The following YWHAH variants were observed in gnomAD, a reference collection of about 807,000 sequenced individuals.
YWHAH encodes 14-3-3 protein eta.
Under a neutral mutation model 22.9 loss-of-function variants are expected in YWHAH, and 6 were observed. The ratio of observed to expected loss-of-function variants is 0.26; its 90% CI spans 0.14 to 0.52. The LOEUF is 0.52. Among genes scored for constraint, YWHAH ranks in the 20% least tolerant of loss-of-function variants. YWHAH has a pLI of 0.97. For synonymous variants in YWHAH, 135 were observed against 124.5 expected, an observed-to-expected ratio of 1.08 and a Z score of -0.56; for missense variants, 173 against 308.6, an observed-to-expected ratio of 0.56 and a Z score of 3.29.
chr22:31,954,429 C>T (rs937204826), intron 1 of YWHAH, among the ~76,000 whole-genome samples: 7 of 152,136 alleles, frequency 4.6e-5, no homozygotes, highest in Non-Finnish European at 1.0e-4. Flanking sequence ...AAGTCATTTT[C>T]TTTGCTTGGG....
At position 31,950,372 on chromosome 22, in the gene YWHAH, G is replaced by T. The variant is rs1214840880; in HGVS notation, c.87+5552G>T. The T allele has an allele frequency of 5.1e-6, 4 of 779,008 alleles. No homozygotes were observed. In the African/African-American group the frequency reaches 6.8e-5, roughly 13 times the overall value. The allele number at this position is 779,008 out of a possible 1,614,324, so 48.3% of individuals were successfully genotyped here. On this transcript the variant is annotated intron_variant, in intron 1 of 1. Coordinates refer to ENST00000248975, the MANE Select transcript of YWHAH (RefSeq NM_003405.4). ...GCTTGTCTTCTGTCCCAGCATTTTGGTGCTCCTCCCGCCCCTACTCCTGGC... is the reference window on the plus strand; with the variant it reads ...GCTTGTCTTCTGTCCCAGCATTTTGTTGCTCCTCCCGCCCCTACTCCTGGC...
In YWHAH at chr22:31,956,031, G is replaced by C; in HGVS notation, c.88-108G>C. The C allele has an allele frequency of 7.5e-7, 1 of 1,336,640 alleles. No individual in the cohort carries two copies. The highest frequency in any genetic ancestry group is 1.5e-5 in the South Asian group (1 of 68,544). 82.8% of individuals were successfully genotyped at this position (1,336,640 alleles called of 1,614,324 possible). ...TTTTATTCTCCAGAGTGACTGACCT[G>C]TTCGTAATTCCGTTCTTGAGAAGGA... On this transcript the variant is annotated intron_variant, in intron 1 of 1. Transcript: ENST00000248975. The surrounding 1 kb of genome is among the most constrained non-coding windows in gnomAD (Gnocchi z 5.1).
intron 1 of YWHAH, 84 bp downstream of exon 1, chr22:31,944,904 T>TC: frequency 8.5e-7 from 1 of 1,173,520 alleles, no homozygotes; most frequent in Non-Finnish European, 1.1e-6. Flanking sequence ...CGCGTTCCCC[T>TC]CCCGGCCATG....
At chr22:31,950,956 G>A (rs1828231425) in intron 1 of YWHAH, among the ~76,000 whole-genome samples, 1 of 152,142 alleles carries the variant, frequency 6.6e-6, no homozygotes, top group South Asian at 2.1e-4. Flanking sequence ...GAGTGCAGTG[G>A]CACAGTCCTG....
intron 1 of YWHAH, among the ~76,000 whole-genome samples, chr22:31,954,528 A>G (rs904243093): frequency 2.0e-5 from 3 of 152,176 alleles, no homozygotes; most frequent in Non-Finnish European, 4.4e-5. Flanking sequence ...TAGTACGACA[A>G]ACTGGATAGT....
Position 31,956,089 on chromosome 22 carries a change from C to T in YWHAH, c.88-50C>T. 2 of 1,540,756 alleles carry T rather than the reference C, an allele frequency of 1.3e-6. No individual in the cohort carries two copies. The highest frequency in any genetic ancestry group is 1.7e-6 in the Non-Finnish European group (2 of 1,147,450). On this transcript the variant is annotated intron_variant, in intron 1 of 1. Coordinates refer to ENST00000248975, the MANE Select transcript of YWHAH (RefSeq NM_003405.4). This position sits in a 1 kb window ranked among gnomAD's most constrained non-coding sequence, Gnocchi z 5.1. ...TTATGTTGAAGGGAAGGCTTCTTAC[C>T]AAGATTTTCAGATTTTGCTTTCAAT...
intron 1 of YWHAH, among the ~76,000 whole-genome samples, chr22:31,948,167 G>C (rs1054564334): frequency 2.0e-5 from 3 of 152,172 alleles, no homozygotes; most frequent in South Asian, 2.1e-4. Context: ...CGGCTCCCTA[G>C]AAATCTTAAG....
intron 1 of YWHAH, 71 bp downstream of exon 1, chr22:31,944,891 G>A (rs989308324): frequency 5.0e-6 from 6 of 1,191,528 alleles, no homozygotes; most frequent in Non-Finnish European, 3.1e-6. Flanking sequence ...GGATGGCCGC[G>A]GGCGCGTTCC....
chr22:31,945,504 G>C (rs1461539421), intron 1 of YWHAH: 2 of 1,304,136 alleles, frequency 1.5e-6, no homozygotes, highest in South Asian at 2.5e-5. Flanking sequence ...TTCTAGGTGA[G>C]ACGAATCTGT....
chr22:31,946,512 C>T (rs984638358), intron 1 of YWHAH, among the ~76,000 whole-genome samples: 2 of 151,294 alleles, frequency 1.3e-5, no homozygotes, highest in Non-Finnish European at 2.9e-5. Flanking sequence ...GGTTGCTCAC[C>T]CTCTAAGTGA....
At position 31,944,543 on chromosome 22, in the gene YWHAH, C is replaced by A. The variant is rs2093829916; in HGVS notation, c.-191C>A. 9.2e-6 allele frequency: 2 copies of A among 216,562 alleles called. No homozygotes were observed. Among genetic ancestry groups the A allele is most frequent in the African/African-American group, 4.7e-5 (2 of 42,802 alleles). 13.4% of individuals were successfully genotyped at this position (216,562 alleles called of 1,614,324 possible). On this transcript the variant is annotated 5_prime_UTR_variant, in exon 1 of 2. Coordinates refer to ENST00000248975, the MANE Select transcript of YWHAH (RefSeq NM_003405.4). ...TGTCCGCGGCGCGAGCCACAGCGCG[C>A]GGGGCGAGCCAGCGAGAGGGCGCGA...
At chr22:31,949,068 G>A (rs575193741) in intron 1 of YWHAH, among the ~76,000 whole-genome samples, 117 of 152,040 alleles carry the variant, frequency 7.7e-4, no homozygotes, top group South Asian at 1.9e-3. Context: ...ATACGGTTTC[G>A]GAGAGGGTAC....
At chr22:31,953,838 TG>T (rs67276346) in intron 1 of YWHAH, among the ~76,000 whole-genome samples, 63,857 of 151,560 alleles carry the variant, frequency 0.42, 13,794 homozygotes, top group African/African-American at 0.49. Flanking sequence ...GGAGAGACTT[TG>T]CCTGTGTTAA....
intron 1 of YWHAH, among the ~76,000 whole-genome samples, chr22:31,954,760 C>CA (rs2093847464): frequency 6.6e-6 from 1 of 152,132 alleles, no homozygotes; most frequent in Non-Finnish European, 1.5e-5. Context: ...GTGTGTGTGT[C>CA]AAAATCTCAC....
At chr22:31,955,354 G>A (rs1051769914) in intron 1 of YWHAH, among the ~76,000 whole-genome samples, 3 of 151,988 alleles carry the variant, frequency 2.0e-5, no homozygotes, top group Non-Finnish European at 2.9e-5. Flanking sequence ...AGAGTATAAA[G>A]CTGGAAGCAG....
rs761884431 is a variant in YWHAH at position 31,945,481 on chromosome 22, A to G, written c.87+661A>G. 3.8e-6 allele frequency: 5 copies of G among 1,304,036 alleles called. No homozygotes were observed. In the South Asian group the frequency reaches 4.9e-5, roughly 13 times the overall value. The allele number at this position is 1,304,036 out of a possible 1,614,324, so 80.8% of individuals were successfully genotyped here. On this transcript the variant is annotated intron_variant, in intron 1 of 1. Coordinates refer to ENST00000248975, the MANE Select transcript of YWHAH (RefSeq NM_003405.4). ...GCTGCGCTGTCTGCTTGGAGATTAA[A>G]ATGAAACGTGACTTCTAGGTGAGAC...
chr22:31,944,926 G>C, intron 1 of YWHAH, 106 bp downstream of exon 1: 2 of 1,137,020 alleles, frequency 1.8e-6, no homozygotes, highest in Non-Finnish European at 2.2e-6. Context: ...GCGACCCGGC[G>C]ACCCGGCTGG....
intron 1 of YWHAH, among the ~76,000 whole-genome samples, chr22:31,947,059 G>A (rs1223682760): frequency 6.6e-6 from 1 of 152,118 alleles, no homozygotes; most frequent in Non-Finnish European, 1.5e-5. Flanking sequence ...CTGCTAACTT[G>A]GTGTTTGTAG....
At position 31,956,966 on chromosome 22, in the gene YWHAH, CTGGACTGATGG is replaced by C; in HGVS notation, c.*176_*186del. On this transcript the variant is annotated 3_prime_UTR_variant, in exon 2 of 2. Transcript: ENST00000248975. This position sits in a 1 kb window ranked among gnomAD's most constrained non-coding sequence, Gnocchi z 5.1. ...AGTTTCAGATAAATCATGGGCATTG[CTGGACTGATGG>C]TTGCTTTGAGCCCACAGGAGCTCCC... The C allele has an allele frequency of 1.2e-6, 1 of 828,592 alleles. No homozygotes were observed. The highest frequency in any genetic ancestry group is 2.7e-5 in the East Asian group (1 of 36,392). 51.3% of individuals were successfully genotyped at this position (828,592 alleles called of 1,614,324 possible). A position where few individuals can be genotyped will look rare whatever the true frequency, so the allele number is the denominator to read the frequency against.
Sources: gnomAD v4.1 joint callset for allele counts (sites outside exome capture counted in the v4.1 genomes callset) on GRCh38, gnomAD v4.1.1 for gene constraint, Gnocchi (gnomAD v3.1) non-coding constraint, MANE v1.5 for transcripts, NCBI Gene and HGNC (gene_info 2026-07-23, HGNC 2026-07-21) for gene names.